The following TMEM94 variants were observed in gnomAD, a reference collection of about 807,000 sequenced individuals.
TMEM94 encodes transmembrane protein 94, also known as ER Mg2+ ATPase.
In TMEM94, 81 loss-of-function variants were observed where a neutral mutation model predicts 158.6. That is an observed-to-expected ratio of 0.51 (90% CI 0.43 to 0.61). TMEM94 has a LOEUF of 0.61. TMEM94 is among the 20% of genes least tolerant of loss of function. TMEM94 has a pLI of 0.00. For missense variants in TMEM94, 1,435 were observed against 1,762.0 expected (o/e 0.81, Z 3.32); for synonymous variants, 751 against 730.7 (o/e 1.03, Z -0.45).
rs748330002 is a variant in TMEM94 at position 75,488,016 on chromosome 17, T to C, written c.494T>C (p.Leu165Ser). The change falls in exon 6 of 32, where the codon TTG becomes TCG. Residue 165 changes from leucine to serine, a missense_variant. Transcript: ENST00000314256. ...ATGCCTTTTGCGCCATCCTGGTCCT[T>C]GCACTGGGCCTACAGAGACGGACAC... The part of the protein sequence containing the change: ...LHMPFAPSWS[L>S]HWAYRDGHLV... The C allele has an allele frequency of 6.2e-7, 1 of 1,614,202 alleles. No individual in the cohort carries two copies. The highest frequency in any genetic ancestry group is 8.5e-7 in the Non-Finnish European group (1 of 1,180,034).
intron 1 of TMEM94, among the ~76,000 whole-genome samples, chr17:75,464,620 TTTCCTTCCTTCC>T (rs1179175769): frequency 1.8e-4 from 16 of 89,470 alleles, no homozygotes; most frequent in East Asian, 1.6e-3. Flanking sequence ...CCTTTCTTTC[TTTCCTTCCTTCC>T]TTCCTTCCTT....
chr17:75,474,381 C>T lies in TMEM94; in HGVS notation c.24+2452C>T, dbSNP rs947703048. On this transcript the variant is annotated intron_variant, in intron 2 of 31. Transcript: ENST00000314256. ...ATTAGCTGGGTGTGGTGGCACACAC[C>T]TGTAATCCCAGCACTTTGGGAGGCC... Among the ~76,000 whole-genome samples the T allele has an allele frequency of 7.2e-5, 11 of 152,234 alleles. No homozygotes were observed. The East Asian group carries it at 2.1e-3, about 29-fold the overall frequency.
chr17:75,463,362 G>C (rs1347816588), intron 1 of TMEM94, among the ~76,000 whole-genome samples: 2 of 151,234 alleles, frequency 1.3e-5, no homozygotes, highest in Non-Finnish European at 2.9e-5. Flanking sequence ...TGTGTTTTTA[G>C]GGTACTGGCT....
chr17:75,490,134 TC>T, intron 9 of TMEM94, 99 bp from the exon 10 acceptor site: 3 of 1,502,868 alleles, frequency 2.0e-6, no homozygotes, highest in Non-Finnish European at 2.7e-6. Flanking sequence ...AGCTGGCCCT[TC>T]CTGCCCAGGG....
intron 2 of TMEM94, among the ~76,000 whole-genome samples, chr17:75,472,745 C>T (rs1179840484): frequency 1.3e-5 from 2 of 152,204 alleles, no homozygotes; most frequent in African/African-American, 2.4e-5. Context: ...CAAAGCCCTC[C>T]AGAATCCTGC....
chr17:75,479,206 G>A (rs754246158), intron 2 of TMEM94, among the ~76,000 whole-genome samples: 5 of 152,110 alleles, frequency 3.3e-5, no homozygotes, highest in East Asian at 1.9e-4. Context: ...GGTGGTTCAC[G>A]CCTATAATCC....
Position 75,495,526 on chromosome 17 carries a change from C to T in TMEM94, c.2845-18C>T. ...CTGATCCCCATCCCGAAGCCGCTGG[C>T]ATCTCTGCTTTCTCCAGGCCAAGCT... On this transcript the variant is annotated intron_variant, in intron 21 of 31. Coordinates refer to ENST00000314256, the MANE Select transcript of TMEM94 (RefSeq NM_014738.6). This position sits in a 1 kb window ranked among gnomAD's most constrained non-coding sequence, Gnocchi z 5.6. The T allele has an allele frequency of 6.2e-7, 1 of 1,612,380 alleles. No individual in the cohort carries two copies. Among genetic ancestry groups the T allele is most frequent in the Non-Finnish European group, 8.5e-7 (1 of 1,179,166 alleles).
rs1387977513 is a variant in TMEM94, at chr17:75,485,881, G to A, written c.155G>A (p.Arg52Lys). 6 of 1,612,044 alleles carry A rather than the reference G, an allele frequency of 3.7e-6. No homozygotes were observed. Among genetic ancestry groups the A allele is most frequent in the African/African-American group, 1.3e-5 (1 of 75,036 alleles). Residue 52 changes from arginine (R) to lysine (K), a missense_variant, in exon 4 of 32, where the codon AGA becomes AAA. Around this residue, in one of 3 missense-constraint regions of TMEM94, gnomAD observed 1,051 missense variants for 1,254.4 expected, o/e 0.84. Coordinates refer to ENST00000314256, the MANE Select transcript of TMEM94 (RefSeq NM_014738.6). This position sits in a 1 kb window ranked among gnomAD's most constrained non-coding sequence, Gnocchi z 5.5. ...GTCCGAACTTCCCAGGAGGTGTGGAGAAGCAGCTTCCTCCACCACAGTAAC... is the reference window on the plus strand; with the variant it reads ...GTCCGAACTTCCCAGGAGGTGTGGAAAAGCAGCTTCCTCCACCACAGTAAC... ...KKCLTWKEVWRSSFLHHSNRC... is the reference protein window; with the variant it reads ...KKCLTWKEVWKSSFLHHSNRC...
chr17:75,472,534 C>T (rs1416058208), intron 2 of TMEM94, among the ~76,000 whole-genome samples: 2 of 152,348 alleles, frequency 1.3e-5, no homozygotes, highest in East Asian at 1.9e-4. Flanking sequence ...CTAGCTTCTG[C>T]CACACCTTCC....
Position 75,485,983 on chromosome 17 carries a change from G to C in TMEM94, c.257G>C (p.Gly86Ala), listed in dbSNP as rs766645049. Residue 86 changes from glycine to alanine, a missense_variant, in exon 4 of 32, where the codon GGA (glycine) becomes GCA (alanine). Gly to Ala is a moderately conservative substitution (Grantham distance 60). Around this residue, in one of 3 missense-constraint regions of TMEM94, gnomAD observed 1,051 missense variants for 1,254.4 expected, o/e 0.84. Coordinates refer to ENST00000314256, the MANE Select transcript of TMEM94 (RefSeq NM_014738.6). This position sits in a 1 kb window ranked among gnomAD's most constrained non-coding sequence, Gnocchi z 5.5. ...CTGCTGCTGCTGGGCTGCTGCGGGG[G>C]ACAGCCAGCCGGGAGGTGTGCGCCC... ...AVLLLLGCCG[G>A]QPAGSRGVGL... 6.2e-7 allele frequency: 1 copy of C among 1,611,284 alleles called. No homozygotes were observed. The highest frequency in any genetic ancestry group is 1.1e-5 in the South Asian group (1 of 90,876).
rs776421974 is a variant in TMEM94, at chr17:75,490,339, C to T, written c.1060C>T (p.Pro354Ser). 9.9e-6 allele frequency: 16 copies of T among 1,613,486 alleles called. No homozygotes were observed. The highest frequency in any genetic ancestry group is 1.4e-5 in the Non-Finnish European group (16 of 1,179,860). The change falls in exon 10 of 32, where the codon CCC becomes TCC. Residue 354 changes from proline (P) to serine (S), a missense_variant. This residue lies in a region of TMEM94 where 1,051 missense variants were observed against 1,254.4 expected (regional missense o/e 0.84). Transcript: ENST00000314256. ...CCTGGCCCAGATGAGCAAGGCCTCA[C>T]CCAGCTCCCTGGTAGGTTTTTCCAA... ...RVLAQMSKASPSSLLAKFSED... is the reference protein window; with the variant it reads ...RVLAQMSKASSSSLLAKFSED...
At chr17:75,476,513 T>C (rs1340440715) in intron 2 of TMEM94, 3 of 1,414,428 alleles carry the variant, frequency 2.1e-6, no homozygotes, top group Non-Finnish European at 2.8e-6. Context: ...AATCAGCAGA[T>C]TGAAGCTCTG....
intron 1 of TMEM94, among the ~76,000 whole-genome samples, chr17:75,471,343 T>C: frequency 6.6e-6 from 1 of 152,056 alleles, no homozygotes. Flanking sequence ...CCTCCTGGAT[T>C]CAGAGAGTGG....
At chr17:75,479,797 A>T (rs1296083977) in intron 2 of TMEM94, among the ~76,000 whole-genome samples, 3 of 152,182 alleles carry the variant, frequency 2.0e-5, no homozygotes, top group African/African-American at 7.2e-5. Flanking sequence ...CATCACCTAT[A>T]GTCCTAGCTA....
intron 1 of TMEM94, 149 bp downstream of exon 1, chr17:75,456,900 G>C (rs2049908842): frequency 6.5e-6 from 1 of 152,750 alleles, no homozygotes; most frequent in Middle Eastern, 3.4e-3. Context: ...CTGAGGGGGA[G>C]TCCAGGGACT....
chr17:75,493,253 G>T, intron 16 of TMEM94, 151 bp downstream of exon 16: 1 of 959,470 alleles, frequency 1.0e-6, no homozygotes. Flanking sequence ...CTGGAATTGG[G>T]GACCAGGGCT....
At chr17:75,497,342 GTCTTT>G in intron 26 of TMEM94, 144 bp downstream of exon 26, 5 of 266,924 alleles carry the variant, frequency 1.9e-5, no homozygotes, top group East Asian at 7.7e-5. Flanking sequence ...AACCCCCTTT[GTCTTT>G]TTTTTTTTTT....
Position 75,485,466 on chromosome 17 carries a change from G to A in TMEM94, c.63G>A (p.Lys21=), listed in dbSNP as rs1598383532. 4 of 1,614,046 alleles carry A rather than the reference G, an allele frequency of 2.5e-6. No homozygotes were observed. Among genetic ancestry groups the A allele is most frequent in the Non-Finnish European group, 3.4e-6 (4 of 1,180,012 alleles). The change falls in exon 3 of 32, where the codon AAG becomes AAA. Residue 21 remains lysine (K), a synonymous_variant. Coordinates refer to ENST00000314256, the MANE Select transcript of TMEM94 (RefSeq NM_014738.6). This position sits in a 1 kb window ranked among gnomAD's most constrained non-coding sequence, Gnocchi z 5.5. Reference sequence around the variant, plus strand: ...CAGCCCTGGGCCTGTCCACGCGGAAGGCCCTCAGCGTCCTGAAGGAGCAGC... The same window carrying A: ...CAGCCCTGGGCCTGTCCACGCGGAAAGCCCTCAGCGTCCTGAAGGAGCAGC... ...PPSALGLSTR[K]ALSVLKEQLE...
At chr17:75,471,023 G>A (rs1048382890) in intron 1 of TMEM94, among the ~76,000 whole-genome samples, 16 of 151,622 alleles carry the variant, frequency 1.1e-4, no homozygotes, top group Non-Finnish European at 1.3e-4. Flanking sequence ...TGGATCACAA[G>A]GTCAGGAGTT....
Sources: gnomAD v4.1 joint callset for allele counts (sites outside exome capture counted in the v4.1 genomes callset) on GRCh38, gnomAD v4.1.1 for gene constraint, gnomAD v4.1.1 regional missense constraint, Gnocchi (gnomAD v3.1) non-coding constraint, MANE v1.5 for transcripts, NCBI Gene and HGNC (gene_info 2026-07-23, HGNC 2026-07-21) for gene names.